Variants in MON2 observed in about 807,000 individuals in gnomAD.
MON2 encodes the protein protein MON2 homolog.
Under a neutral mutation model 208.6 loss-of-function variants are expected in MON2, and 84 were observed. That is an observed-to-expected ratio of 0.40 (90% CI 0.34 to 0.48). The LOEUF is 0.48. MON2 is among the 20% of genes least tolerant of loss of function. The pLI, the probability that MON2 is intolerant of heterozygous loss-of-function variation, is 0.59. For missense variants in MON2, 1,611 were observed against 2,015.4 expected (o/e 0.80, Z 3.84); for synonymous variants, 660 against 694.0 (o/e 0.95, Z 0.77).
chr12:62,502,613 T>C (rs1182903948), intron 7 of MON2, among the ~76,000 whole-genome samples: 1 of 152,212 alleles, frequency 6.6e-6, no homozygotes, highest in Non-Finnish European at 1.5e-5. Context: ...GTATGTGAGC[T>C]ACTTGTATAA....
rs1444764703 is a variant in MON2 at position 62,487,106 on chromosome 12, G to A, written c.175+2873G>A. Among the ~76,000 whole-genome samples, 3 of 151,858 alleles carry A rather than the reference G, an allele frequency of 2.0e-5. No individual in the cohort carries two copies. The East Asian group carries it at 5.8e-4, about 29-fold the overall frequency. ...GCTGTCATGAATGCTGACATAAGTG[G>A]GAATGCTATGCCAGGTAATGTCAGC... On this transcript the variant is annotated intron_variant, in intron 2 of 34. Transcript: ENST00000393630.
In MON2 at chr12:62,599,364, A is replaced by G. The variant is rs2075585703; in HGVS notation, c.*6615A>G. The G allele has an allele frequency of 6.6e-6, 1 of 152,192 alleles. No homozygotes were observed. The highest frequency in any genetic ancestry group is 2.1e-4 in the South Asian group (1 of 4,828). 9.4% of individuals were successfully genotyped at this position (152,192 alleles called of 1,614,324 possible). A position where few individuals can be genotyped will look rare whatever the true frequency, so the allele number is the denominator to read the frequency against. ...GTTTTGAAACTGCCTGTCCATATCA[A>G]TGCCAGACTATCTCTCTACCTCTCA... On this transcript the variant is annotated 3_prime_UTR_variant, in exon 35 of 35. Coordinates refer to ENST00000393630, the MANE Select transcript of MON2 (RefSeq NM_015026.3).
chr12:62,537,532 C>A, intron 15 of MON2, 70 bp from the exon 16 acceptor site: 1 of 1,177,034 alleles, frequency 8.5e-7, no homozygotes, highest in Non-Finnish European at 1.2e-6. Context: ...CACATTAATG[C>A]TACTTTATAA....
At chr12:62,544,391 A>G (rs2136272586) in intron 20 of MON2, among the ~76,000 whole-genome samples, 2 of 152,296 alleles carry the variant, frequency 1.3e-5, no homozygotes, top group South Asian at 2.1e-4. Flanking sequence ...CGCTGCAGTG[A>G]TCTGTGATCG....
intron 29 of MON2, among the ~76,000 whole-genome samples, chr12:62,570,088 A>G (rs1235156036): frequency 3.9e-5 from 6 of 152,182 alleles, no homozygotes; most frequent in Admixed American, 6.5e-5. Flanking sequence ...TGGTTAATCT[A>G]GTGTTCTAAT....
rs1224716730 is a variant in MON2, at chr12:62,598,570, CAT to C, written c.*5823_*5824del. The C allele has an allele frequency of 6.6e-6, 1 of 152,188 alleles. No homozygotes were observed. Among genetic ancestry groups the C allele is most frequent in the Non-Finnish European group, 1.5e-5 (1 of 68,022 alleles). 9.4% of individuals were successfully genotyped at this position (152,188 alleles called of 1,614,324 possible). On this transcript the variant is annotated 3_prime_UTR_variant, in exon 35 of 35. Coordinates refer to ENST00000393630, the MANE Select transcript of MON2 (RefSeq NM_015026.3). ...CTCTGTGTCATAATTTAACACGTAA[CAT>C]ACAACTCCTGTCTCTTAAGGCAGCT... is the stretch of plus-strand genomic sequence containing the variant.
chr12:62,509,218 A>G (rs2071265824), intron 8 of MON2: 1 of 150,692 alleles, frequency 6.6e-6, no homozygotes, highest in Admixed American at 6.7e-5. Flanking sequence ...GGGTTCAAGC[A>G]GTTCTCCTGT....
intron 30 of MON2, among the ~76,000 whole-genome samples, chr12:62,573,864 G>A (rs1362715399): frequency 2.0e-5 from 3 of 152,104 alleles, no homozygotes; most frequent in Non-Finnish European, 4.4e-5. Context: ...TTGTATCAAT[G>A]CAGTTGTAGT....
At chr12:62,573,351 T>A (rs2074665315) in intron 30 of MON2, among the ~76,000 whole-genome samples, 1 of 151,868 alleles carries the variant, frequency 6.6e-6, no homozygotes, top group South Asian at 2.1e-4. Context: ...TGTCTATATA[T>A]GCTTAATGCC....
intron 19 of MON2, among the ~76,000 whole-genome samples, chr12:62,539,315 T>C (rs2073127004): frequency 6.6e-6 from 1 of 151,796 alleles, no homozygotes; most frequent in East Asian, 1.9e-4. Context: ...TCGCCCAGGC[T>C]AGAGTGCAGT....
chr12:62,589,804 A>T (rs1056248426), intron 34 of MON2, among the ~76,000 whole-genome samples: 25 of 151,838 alleles, frequency 1.6e-4, no homozygotes, highest in Non-Finnish European at 1.0e-4. Context: ...GGAAGCAAAA[A>T]CTCAGTAACT....
At chr12:62,563,886 T>C (rs2074281346) in intron 26 of MON2, among the ~76,000 whole-genome samples, 1 of 152,082 alleles carries the variant, frequency 6.6e-6, no homozygotes, top group Admixed American at 6.6e-5. Flanking sequence ...AGTAATTCAG[T>C]CTCTTTTTCC....
At position 62,535,668 on chromosome 12, in the gene MON2, C is replaced by G; in HGVS notation, c.1859C>G (p.Thr620Ser). 6.2e-7 allele frequency: 1 copy of G among 1,613,192 alleles called. No individual in the cohort carries two copies. The highest frequency in any genetic ancestry group is 8.5e-7 in the Non-Finnish European group (1 of 1,179,594). Residue 620 changes from threonine (T) to serine (S), a missense_variant, in exon 14 of 35, where the codon ACT becomes AGT. Thr to Ser is a moderately conservative substitution (Grantham distance 58, BLOSUM62 1). Coordinates refer to ENST00000393630, the MANE Select transcript of MON2 (RefSeq NM_015026.3). ...KGSLPPHYAL[T>S]VLNTTTAATL... is the part of the protein sequence containing the mutation. ...TCCCTGCCTCCCCATTATGCTCTTA[C>G]TGTATTGAATACCACCACTGCAGCT...
At chr12:62,550,372 A>G (rs1402863397) in intron 23 of MON2, among the ~76,000 whole-genome samples, 2 of 151,978 alleles carry the variant, frequency 1.3e-5, no homozygotes, top group African/African-American at 4.8e-5. Context: ...TCTACTAAAA[A>G]TTAGCTGTGT....
chr12:62,542,416 A>G (rs1375078414), intron 19 of MON2, among the ~76,000 whole-genome samples: 2 of 152,112 alleles, frequency 1.3e-5, no homozygotes, highest in Admixed American at 1.3e-4. Flanking sequence ...CACGCCATCC[A>G]CTCAAAAATA....
intron 8 of MON2, among the ~76,000 whole-genome samples, chr12:62,523,643 A>G (rs552421667): frequency 1.3e-5 from 2 of 152,166 alleles, no homozygotes; most frequent in Non-Finnish European, 2.9e-5. Context: ...GAGGGCTACT[A>G]TATTTCCCCA....
At chr12:62,592,468 A>G in intron 34 of MON2, 118 bp from the exon 35 acceptor site, 1 of 738,358 alleles carries the variant, frequency 1.4e-6, no homozygotes, top group Non-Finnish European at 2.0e-6. Flanking sequence ...ACAAGCTTGT[A>G]GAATCTTCAT....
In MON2 at chr12:62,520,391, C is replaced by CAACA. The variant is rs2071959484; in HGVS notation, c.985-4119_985-4116dup. ...TTGAAAGCTCAAATTTTATTATTGGCAACAAACACTGTCAGTTGTTTACCC... is the reference window on the plus strand; with the variant it reads ...TTGAAAGCTCAAATTTTATTATTGGCAACAAACAAACACTGTCAGTTGTTTACCC... On this transcript the variant is annotated intron_variant, in intron 8 of 34. Coordinates refer to ENST00000393630, the MANE Select transcript of MON2 (RefSeq NM_015026.3). 4.0e-5 allele frequency among the ~76,000 whole-genome samples: 6 copies of CAACA among 151,666 alleles called. No homozygotes were observed. The South Asian group carries it at 1.0e-3, about 26-fold the overall frequency.
intron 26 of MON2, among the ~76,000 whole-genome samples, chr12:62,563,576 A>G (rs1006574834): frequency 1.1e-4 from 17 of 152,246 alleles, no homozygotes; most frequent in Non-Finnish European, 1.3e-4. Flanking sequence ...TTTTTCTGAT[A>G]TTCAGACTTC....
Sources: gnomAD v4.1 joint callset for allele counts (sites outside exome capture counted in the v4.1 genomes callset) on GRCh38, gnomAD v4.1.1 for gene constraint, MANE v1.5 for transcripts, NCBI Gene and HGNC (gene_info 2026-07-23, HGNC 2026-07-21) for gene names.